SLC28A1: variants seen among roughly 807,000 people sequenced by gnomAD.
The protein encoded by SLC28A1 is sodium/nucleoside cotransporter 1.
A neutral mutation model predicts 74.8 loss-of-function variants in SLC28A1; 64 were observed. That is an observed-to-expected ratio of 0.86 (90% confidence interval 0.70 to 1.05). SLC28A1 has a LOEUF of 1.05. Among genes scored for constraint, SLC28A1 ranks in the 50% least tolerant of loss-of-function variants. SLC28A1 has a pLI of 0.00. For synonymous variants in SLC28A1, 359 were observed against 335.0 expected (o/e 1.07, Z -0.78); for missense variants, 828 against 822.8 (o/e 1.01, Z -0.08).
At chr15:84,904,618 T>C (rs750655150) in intron 7 of SLC28A1, among the ~76,000 whole-genome samples, 7 of 152,146 alleles carry the variant, frequency 4.6e-5, no homozygotes, top group Non-Finnish European at 7.4e-5. Flanking sequence ...TAGCTTAAAA[T>C]AGTGCTTCTC....
chr15:84,895,609 GC>G, intron 6 of SLC28A1: 1 of 1,487,890 alleles, frequency 6.7e-7, no homozygotes, highest in Non-Finnish European at 9.0e-7. Context: ...TCCTTGGAGC[GC>G]TGGAAATCTC....
In SLC28A1 at chr15:84,924,897, A is replaced by ATTTT. The variant is rs756910084; in HGVS notation, c.1083+792_1083+795dup. 1.0e-4 allele frequency among the ~76,000 whole-genome samples: 14 copies of ATTTT among 139,852 alleles called. 1 individual carries two copies. Among genetic ancestry groups the ATTTT allele is most frequent in the Non-Finnish European group, 9.3e-5 (6 of 64,258 alleles). 91.7% of individuals were successfully genotyped at this position (139,852 alleles called of 152,430 possible). On this transcript the variant is annotated intron_variant, in intron 12 of 18. Transcript: ENST00000394573. ...GGGTAACTGATTTTATTTTTTATTAATTTTTTTTGTTTGTTTGTTTTTGAG... is the reference window on the plus strand; with the variant it reads ...GGGTAACTGATTTTATTTTTTATTAATTTTTTTTTTTTGTTTGTTTGTTTTTGAG...
At chr15:84,974,896 C>T in the SLC28A1 span, among the ~76,000 whole-genome samples, 1 of 152,118 alleles carries the variant, frequency 6.6e-6, no homozygotes, top group Non-Finnish European at 1.5e-5. Context: ...CTTCTGGGGC[C>T]TCAGCATTTC....
At chr15:84,969,489 G>A in the SLC28A1 span, among the ~76,000 whole-genome samples, 5 of 151,488 alleles carry the variant, frequency 3.3e-5, no homozygotes, top group Admixed American at 2.6e-4. Context: ...CACCATTGCT[G>A]CCAGGTCTGG....
chr15:84,890,609 T>A, intron 5 of SLC28A1, 75 bp downstream of exon 5: 1 of 1,174,392 alleles, frequency 8.5e-7, no homozygotes, highest in Admixed American at 1.9e-5. Context: ...GGCAGGGTCA[T>A]TCACTCACCC....
chr15:84,889,219 G>C (rs1964985319), intron 4 of SLC28A1, among the ~76,000 whole-genome samples: 1 of 152,180 alleles, frequency 6.6e-6, no homozygotes, highest in South Asian at 2.1e-4. Context: ...TAAAAATCCT[G>C]AACTGGGCAA....
intron 6 of SLC28A1, chr15:84,895,528 C>T (rs1411878250): frequency 1.3e-6 from 2 of 1,558,422 alleles, no homozygotes; most frequent in South Asian, 1.2e-5. Context: ...TCATTAGCCT[C>T]CAGGGGATTC....
chr15:84,936,474 C>A (rs934293762), intron 15 of SLC28A1, among the ~76,000 whole-genome samples: 3 of 151,852 alleles, frequency 2.0e-5, no homozygotes, highest in Non-Finnish European at 4.4e-5. Context: ...CCAGTCTGGT[C>A]TTGAAATCCT....
At chr15:84,933,954 A>G (rs922178731) in intron 13 of SLC28A1, among the ~76,000 whole-genome samples, 1 of 152,160 alleles carries the variant, frequency 6.6e-6, no homozygotes, top group Non-Finnish European at 1.5e-5. Flanking sequence ...CAGCCTGGGC[A>G]ACAGAGCGAA....
At chr15:84,894,885 GGT>G in intron 5 of SLC28A1, 53 bp from the exon 6 acceptor site, 1 of 1,565,160 alleles carries the variant, frequency 6.4e-7, no homozygotes, top group Non-Finnish European at 8.8e-7. Context: ...GGGGCTGCAG[GGT>G]TCTGAAGAGG....
At chr15:84,892,318 T>C (rs1385433295) in intron 5 of SLC28A1, among the ~76,000 whole-genome samples, 5 of 152,106 alleles carry the variant, frequency 3.3e-5, no homozygotes, top group African/African-American at 9.7e-5. Flanking sequence ...GTCTGCTTGG[T>C]GAACTTGAAA....
In SLC28A1 at chr15:84,943,522, C is replaced by G. The variant is rs779609747; in HGVS notation, c.1659C>G (p.Gly553=). 6.2e-7 allele frequency: 1 copy of G among 1,613,118 alleles called. No individual in the cohort carries two copies. The highest frequency in any genetic ancestry group is 8.5e-7 in the Non-Finnish European group (1 of 1,179,070). Reference sequence around the variant, plus strand: ...GCTCCATTGGGATCATGCTGGGAGGCTTGAGTGAGTCTAATCAGGGCCTCA... The same window carrying G: ...GCTCCATTGGGATCATGCTGGGAGGGTTGAGTGAGTCTAATCAGGGCCTCA... ...NFSSIGIMLG[G]LTSMVPQRKS... is the part of the protein sequence containing the mutation. The change falls in exon 16 of 19, where the codon GGC becomes GGG. Residue 553 remains glycine (G), a synonymous_variant. Coordinates refer to ENST00000394573, the MANE Select transcript of SLC28A1 (RefSeq NM_004213.5).
chr15:84,968,860 A>G, the SLC28A1 span, among the ~76,000 whole-genome samples: 10 of 152,278 alleles, frequency 6.6e-5, no homozygotes, highest in Admixed American at 3.9e-4. Context: ...GTGACTTACA[A>G]CCAAAGCCCC....
At chr15:84,937,027 T>A (rs1163583922) in intron 15 of SLC28A1, among the ~76,000 whole-genome samples, 1 of 147,594 alleles carries the variant, frequency 6.8e-6, no homozygotes, top group Non-Finnish European at 1.5e-5. Context: ...CACTCCAGCC[T>A]GGGCAACAGA....
At chr15:84,932,458 G>T (rs1971427938) in intron 12 of SLC28A1, among the ~76,000 whole-genome samples, 1 of 152,210 alleles carries the variant, frequency 6.6e-6, no homozygotes, top group South Asian at 2.1e-4. Flanking sequence ...GCTCCCAGAA[G>T]GAGACTGAGG....
At chr15:84,912,051 T>C (rs1968335034) in intron 9 of SLC28A1, among the ~76,000 whole-genome samples, 1 of 152,162 alleles carries the variant, frequency 6.6e-6, no homozygotes, top group Non-Finnish European at 1.5e-5. Flanking sequence ...TCTGGACAAA[T>C]TCCTGGACCG....
intron 13 of SLC28A1, among the ~76,000 whole-genome samples, chr15:84,934,209 A>C (rs1045908615): frequency 6.6e-6 from 1 of 152,220 alleles, no homozygotes; most frequent in African/African-American, 2.4e-5. Flanking sequence ...CAGTTCTCAC[A>C]TCTTAATGTC....
At chr15:84,945,006 G>A (rs1011072577) in intron 18 of SLC28A1, 119 bp from the exon 19 acceptor site, 1 of 1,112,512 alleles carries the variant, frequency 9.0e-7, no homozygotes, top group Non-Finnish European at 1.4e-6. Context: ...AAGGCTCGAG[G>A]ACCAATGGAG....
chr15:84,946,070 A>G (rs1350900933), downstream of SLC28A1, among the ~76,000 whole-genome samples: 54 of 57,116 alleles, frequency 9.5e-4, no homozygotes, highest in African/African-American at 2.3e-3. Flanking sequence ...ATATATATAT[A>G]TGTGTGTGTA....
Sources: gnomAD v4.1 joint callset for allele counts (sites outside exome capture counted in the v4.1 genomes callset) on GRCh38, gnomAD v4.1.1 for gene constraint, MANE v1.5 for transcripts, NCBI Gene and HGNC (gene_info 2026-07-23, HGNC 2026-07-21) for gene names.